FRMD8: variants seen among roughly 807,000 people sequenced by gnomAD.
The protein encoded by FRMD8 is FERM domain-containing protein 8.
A neutral mutation model predicts 54.2 loss-of-function variants in FRMD8; 37 were observed. The ratio of observed to expected loss-of-function variants is 0.68; its 90% CI spans 0.53 to 0.90. FRMD8 has a LOEUF of 0.90. Ranked by LOEUF, FRMD8 falls within the 40% of genes least tolerant of loss-of-function variation. The pLI is 0.00. For synonymous variants in FRMD8, 246 were observed against 286.9 expected (o/e 0.86, Z 1.44); for missense variants, 585 against 653.7 (o/e 0.89, Z 1.15).
In FRMD8 at chr11:65,396,980, C is replaced by A. The variant is rs774787597; in HGVS notation, c.763C>A (p.Arg255Ser). ...CGAGGCCGCCCTGGGCACCCACTAC[C>A]GCGCCTATCTCCTCAAGTGCCACGA... The part of the protein sequence containing the change: ...GCEAALGTHY[R>S]AYLLKCHELP... The change falls in exon 7 of 11, where the codon CGC becomes AGC. Residue 255 changes from arginine (R) to serine (S), a missense_variant. Coordinates refer to ENST00000317568, the MANE Select transcript of FRMD8 (RefSeq NM_031904.5). 2 of 1,489,068 alleles carry A rather than the reference C, an allele frequency of 1.3e-6. No homozygotes were observed. The highest frequency in any genetic ancestry group is 9.0e-7 in the Non-Finnish European group (1 of 1,115,284). 92.2% of individuals were successfully genotyped at this position (1,489,068 alleles called of 1,614,324 possible).
chr11:65,377,376 C>A, the FRMD8 span: 2 of 1,246,466 alleles, frequency 1.6e-6, no homozygotes, highest in Non-Finnish European at 2.0e-6. Context: ...ATTCTTTTTG[C>A]AGGAGCAGGT....
upstream of FRMD8, among the ~76,000 whole-genome samples, chr11:65,385,799 AAT>A (rs1000415190): frequency 7.3e-5 from 11 of 150,224 alleles, no homozygotes; most frequent in African/African-American, 2.5e-4. Context: ...TATATATATA[AAT>A]TTTTTTTTTT....
intron 2 of FRMD8, 32 bp downstream of exon 2, chr11:65,387,153 C>A: frequency 6.5e-7 from 1 of 1,543,502 alleles, no homozygotes; most frequent in Non-Finnish European, 8.9e-7. Flanking sequence ...TCTTCCACAC[C>A]CTCCTGGGAC....
At chr11:65,406,295 C>G (rs1298547052) in intron 10 of FRMD8, among the ~76,000 whole-genome samples, 1 of 151,414 alleles carries the variant, frequency 6.6e-6, no homozygotes, top group Non-Finnish European at 1.5e-5. Flanking sequence ...CCTGGGTTCA[C>G]GCCATTCTCC....
chr11:65,399,577 C>T (rs1011075512), intron 7 of FRMD8, among the ~76,000 whole-genome samples, 159 bp from the exon 8 acceptor site: 5 of 152,226 alleles, frequency 3.3e-5, no homozygotes, highest in African/African-American at 4.8e-5. Context: ...GCCACCCCTA[C>T]GAAGCCTCCC....
At chr11:65,403,963 G>C (rs1856134158) in intron 9 of FRMD8, among the ~76,000 whole-genome samples, 2 of 152,322 alleles carry the variant, frequency 1.3e-5, no homozygotes, top group South Asian at 4.1e-4. Flanking sequence ...GAGTCCACTT[G>C]GTGAGGAGAG....
chr11:65,378,014 A>G, the FRMD8 span: 1 of 152,296 alleles, frequency 6.6e-6, no homozygotes, highest in African/African-American at 2.4e-5. Flanking sequence ...GTGGCAGGCC[A>G]AGTCTTCGCT....
the FRMD8 span, chr11:65,377,563 C>G: frequency 4.1e-6 from 1 of 242,586 alleles, no homozygotes; most frequent in Non-Finnish European, 6.7e-6. Flanking sequence ...CGGAGGGGCA[C>G]AAGGCCAGCC....
At chr11:65,376,614 C>T in the FRMD8 span, 7 of 1,614,046 alleles carry the variant, frequency 4.3e-6, no homozygotes, top group South Asian at 3.3e-5. Flanking sequence ...TGTCTAAGGG[C>T]GTGGCTGCCA....
chr11:65,388,142 C>T (rs1855769959), intron 2 of FRMD8, among the ~76,000 whole-genome samples: 1 of 147,052 alleles, frequency 6.8e-6, no homozygotes, highest in Admixed American at 6.8e-5. Flanking sequence ...CCAGCCTGGG[C>T]AACGAGGGTG....
chr11:65,387,078 T>G lies in FRMD8; in HGVS notation c.42T>G (p.Ala14=). The G allele has an allele frequency of 6.2e-7, 1 of 1,608,840 alleles. No individual in the cohort carries two copies. The highest frequency in any genetic ancestry group is 1.1e-5 in the South Asian group (1 of 91,086). Residue 14 remains alanine, a synonymous_variant, in exon 2 of 11, where the codon GCT becomes GCG. Coordinates refer to ENST00000317568, the MANE Select transcript of FRMD8 (RefSeq NM_031904.5). ...TEGSAGQPGP[A]ERSHRSSVSS... is the part of the protein sequence containing the mutation. The stretch of plus-strand genomic sequence containing the variant: ...GCAGTGCCGGGCAGCCCGGCCCCGC[T>G]GAGCGATCCCACCGAAGCAGCGTGT...
chr11:65,397,937 A>G (rs1415740415), intron 7 of FRMD8, among the ~76,000 whole-genome samples: 2 of 142,708 alleles, frequency 1.4e-5, no homozygotes, highest in African/African-American at 2.6e-5. Context: ...GTGCAATGCC[A>G]TGATCTCGGC....
upstream of FRMD8, chr11:65,381,770 C>A: frequency 1.0e-6 from 1 of 962,416 alleles, no homozygotes; most frequent in South Asian, 1.3e-5. Flanking sequence ...GTTGCCCAGA[C>A]TGGTCTCAAA....
chr11:65,391,241 C>T (rs1363214004), intron 3 of FRMD8, among the ~76,000 whole-genome samples: 1 of 152,250 alleles, frequency 6.6e-6, no homozygotes, highest in African/African-American at 2.4e-5. Context: ...GGCAGGAAGG[C>T]CCCATCTGGA....
At chr11:65,370,567 GGC>G in the FRMD8 span, among the ~76,000 whole-genome samples, 1 of 151,994 alleles carries the variant, frequency 6.6e-6, no homozygotes, top group Non-Finnish European at 1.5e-5. Flanking sequence ...CGGGTGTGAT[GGC>G]GGGTGCCTGT....
the FRMD8 span, chr11:65,375,111 G>C: frequency 3.3e-5 from 5 of 152,288 alleles, no homozygotes; most frequent in Non-Finnish European, 7.3e-5. Context: ...GGGGCTGGGA[G>C]GTTCAACAGA....
At chr11:65,387,183 C>A in intron 2 of FRMD8, 62 bp downstream of exon 2, 1 of 1,290,042 alleles carries the variant, frequency 7.8e-7, no homozygotes, top group Non-Finnish European at 1.1e-6. Context: ...GGAGAAGTAG[C>A]TCTGGCTTGT....
the FRMD8 span, among the ~76,000 whole-genome samples, chr11:65,374,255 A>G: frequency 7.0e-6 from 1 of 141,904 alleles, no homozygotes; most frequent in African/African-American, 2.5e-5. Flanking sequence ...CGGCAGGTCT[A>G]GCCCAGGGTG....
intron 1 of FRMD8, 101 bp from the exon 2 acceptor site, chr11:65,386,936 C>A (rs1283380563): frequency 9.4e-7 from 1 of 1,064,664 alleles, no homozygotes; most frequent in Non-Finnish European, 1.4e-6. Flanking sequence ...ACCTTGCGGA[C>A]CCAGCCTGGG....
Sources: gnomAD v4.1 joint callset for allele counts (sites outside exome capture counted in the v4.1 genomes callset) on GRCh38, gnomAD v4.1.1 for gene constraint, MANE v1.5 for transcripts, NCBI Gene and HGNC (gene_info 2026-07-23, HGNC 2026-07-21) for gene names.